Variants in KPNA3 observed in about 807,000 individuals in gnomAD.
KPNA3 encodes karyopherin subunit alpha 3, also known as importin subunit alpha-4.
A neutral mutation model predicts 73.8 loss-of-function variants in KPNA3; 13 were observed. The ratio of observed to expected loss-of-function variants is 0.18; its 90% CI spans 0.11 to 0.28. The LOEUF (loss-of-function observed/expected upper bound fraction) is 0.28, where lower values mean the gene tolerates loss of function less well. KPNA3 is among the 10% of genes least tolerant of loss of function. KPNA3 has a pLI of 1.00. For missense variants in KPNA3, 360 were observed against 618.1 expected (o/e 0.58, Z 4.43); for synonymous variants, 186 against 206.9 (o/e 0.90, Z 0.87).
chr13:49,739,279 G>A (rs1280066761), intron 2 of KPNA3, among the ~76,000 whole-genome samples: 3 of 152,096 alleles, frequency 2.0e-5, no homozygotes, highest in African/African-American at 7.2e-5. Flanking sequence ...AATATAATGT[G>A]CCAAAAGTTG....
rs760559858 is a variant in KPNA3, at chr13:49,732,707, C to CA, written c.234+39dup. 16 of 1,576,760 alleles carry CA rather than the reference C, an allele frequency of 1.0e-5. No individual in the cohort carries two copies. In the East Asian group the frequency reaches 3.6e-4, roughly 35 times the overall value. On this transcript the variant is annotated intron_variant, in intron 4 of 16. Coordinates refer to ENST00000261667, the MANE Select transcript of KPNA3 (RefSeq NM_002267.4). ...GAAATGAAAAAAAAAAAATCAATTT[C>CA]AAAATACTTCAAAACGAGAGTATTA...
chr13:49,759,562 G>T (rs1334362526), intron 1 of KPNA3, among the ~76,000 whole-genome samples: 1 of 152,148 alleles, frequency 6.6e-6, no homozygotes, highest in African/African-American at 2.4e-5. Flanking sequence ...GCAACTAGAG[G>T]TCCCATCTGG....
intron 1 of KPNA3, among the ~76,000 whole-genome samples, chr13:49,747,624 T>C (rs1390874932): frequency 1.3e-5 from 2 of 152,188 alleles, no homozygotes; most frequent in African/African-American, 4.8e-5. Flanking sequence ...AGACGGAGGT[T>C]GAAGTGAGCT....
chr13:49,756,702 C>T (rs1954714705), intron 1 of KPNA3, among the ~76,000 whole-genome samples: 1 of 152,188 alleles, frequency 6.6e-6, no homozygotes, highest in East Asian at 1.9e-4. Context: ...TTTGCAGATA[C>T]AGAATTATTC....
intron 1 of KPNA3, among the ~76,000 whole-genome samples, chr13:49,777,520 T>C (rs975452066): frequency 6.6e-6 from 1 of 152,144 alleles, no homozygotes; most frequent in African/African-American, 2.4e-5. Flanking sequence ...TTTTTCTTTA[T>C]TTGAGACAGG....
At chr13:49,710,100 T>C (rs993990401) in intron 11 of KPNA3, among the ~76,000 whole-genome samples, 1 of 152,074 alleles carries the variant, frequency 6.6e-6, no homozygotes, top group Non-Finnish European at 1.5e-5. Context: ...CCATCTCTAC[T>C]AGAAATACAA....
intron 1 of KPNA3, among the ~76,000 whole-genome samples, chr13:49,785,540 T>C (rs1954975185): frequency 6.6e-6 from 1 of 152,184 alleles, no homozygotes; most frequent in South Asian, 2.1e-4. Flanking sequence ...GATGATTTTA[T>C]GAAATTTAAG....
chr13:49,776,981 T>C (rs1954902924), intron 1 of KPNA3, among the ~76,000 whole-genome samples: 1 of 152,238 alleles, frequency 6.6e-6, no homozygotes, highest in African/African-American at 2.4e-5. Context: ...AGCTGGTTTC[T>C]ACTTTTTCTC....
At chr13:49,772,801 C>T (rs1022628176) in intron 1 of KPNA3, among the ~76,000 whole-genome samples, 3 of 152,140 alleles carry the variant, frequency 2.0e-5, no homozygotes, top group Non-Finnish European at 4.4e-5. Flanking sequence ...AAGACTCTGT[C>T]TCAAAATAAA....
chr13:49,707,642 C>T (rs1325369428), intron 12 of KPNA3, among the ~76,000 whole-genome samples: 1 of 151,974 alleles, frequency 6.6e-6, no homozygotes, highest in East Asian at 1.9e-4. Context: ...CTGCTGACTT[C>T]TGCCCAGCTT....
intron 1 of KPNA3, among the ~76,000 whole-genome samples, chr13:49,757,300 C>T (rs1013041980): frequency 2.6e-5 from 4 of 151,390 alleles, no homozygotes; most frequent in African/African-American, 9.7e-5. Flanking sequence ...CAAGAAAGGA[C>T]TAGTATCTAG....
At chr13:49,782,942 G>C (rs1277599155) in intron 1 of KPNA3, among the ~76,000 whole-genome samples, 2 of 151,508 alleles carry the variant, frequency 1.3e-5, no homozygotes, top group East Asian at 3.9e-4. Context: ...CAAATAAAAA[G>C]AAACATAGGG....
In KPNA3 at chr13:49,762,259, C is replaced by T. The variant is rs964145825; in HGVS notation, c.70-15266G>A. ...GCGGAGGGAGGAGGGGGGGCGCCTC[C>T]GCCCGGCCATCGCCCCGTCCGGGAG... On this transcript the variant is annotated intron_variant, in intron 1 of 16. Transcript: ENST00000261667. 1.5e-4 allele frequency among the ~76,000 whole-genome samples: 23 copies of T among 150,600 alleles called. 1 individual carries two copies. Among genetic ancestry groups the T allele is most frequent in the Non-Finnish European group, 1.0e-4 (7 of 67,570 alleles).
intron 9 of KPNA3, 151 bp downstream of exon 9, chr13:49,721,804 A>T: frequency 2.1e-6 from 1 of 471,912 alleles, no homozygotes; most frequent in Non-Finnish European, 3.5e-6. Flanking sequence ...TGGGCGACAG[A>T]GCAAGACTCC....
At chr13:49,711,071 TTTAC>T (rs1162860758) in intron 10 of KPNA3, 49 bp from the exon 11 acceptor site, 3 of 1,550,772 alleles carry the variant, frequency 1.9e-6, no homozygotes. Flanking sequence ...GTTTGAATGC[TTTAC>T]TTGTTCAACA....
chr13:49,723,686 ATAG>A (rs1489035984), intron 7 of KPNA3, among the ~76,000 whole-genome samples: 1 of 151,974 alleles, frequency 6.6e-6, no homozygotes, highest in Non-Finnish European at 1.5e-5. Context: ...CCTGGCCAAC[ATAG>A]TGAAACCCCG....
chr13:49,730,422 A>C (rs1449847272), intron 6 of KPNA3, among the ~76,000 whole-genome samples: 1 of 146,850 alleles, frequency 6.8e-6, no homozygotes, highest in African/African-American at 2.5e-5. Context: ...AAAGAGGCTG[A>C]GGCATGAGAA....
chr13:49,728,150 G>T (rs1954428508), intron 6 of KPNA3, among the ~76,000 whole-genome samples: 1 of 151,696 alleles, frequency 6.6e-6, no homozygotes, highest in Non-Finnish European at 1.5e-5. Context: ...CAGGAGAATG[G>T]TGTGAACCCA....
chr13:49,776,089 ATTG>A (rs1954896235), intron 1 of KPNA3, among the ~76,000 whole-genome samples: 1 of 152,152 alleles, frequency 6.6e-6, no homozygotes, highest in South Asian at 2.1e-4. Context: ...TTATTTTTGT[ATTG>A]TTAGTAGAGA....
Sources: gnomAD v4.1 joint callset for allele counts (sites outside exome capture counted in the v4.1 genomes callset) on GRCh38, gnomAD v4.1.1 for gene constraint, MANE v1.5 for transcripts, NCBI Gene and HGNC (gene_info 2026-07-23, HGNC 2026-07-21) for gene names.